Variants in MLIP observed in about 807,000 individuals in gnomAD.
MLIP encodes the protein muscular LMNA interacting protein.
MLIP carries 79 observed loss-of-function variants against 84.8 expected under a neutral mutation model. The observed-to-expected ratio is 0.93, with a 90% CI of 0.78 to 1.12. MLIP has a LOEUF of 1.12. Among genes scored for constraint, MLIP ranks in the 50% most tolerant of loss-of-function variants. The pLI is 0.00. For missense variants in MLIP, 1,257 were observed against 1,160.6 expected, an observed-to-expected ratio of 1.08 and a Z score of -1.21; for synonymous variants, 504 against 463.0, an observed-to-expected ratio of 1.09 and a Z score of -1.14.
chr6:54,027,795 G>A (rs546869236), intron 1 of MLIP, among the ~76,000 whole-genome samples: 4 of 152,208 alleles, frequency 2.6e-5, no homozygotes, highest in Non-Finnish European at 2.9e-5. Context: ...AATTAAAGCA[G>A]TGTCTGCTGA....
chr6:54,074,225 T>G (rs1390765594), intron 1 of MLIP, among the ~76,000 whole-genome samples: 1 of 152,202 alleles, frequency 6.6e-6, no homozygotes, highest in Non-Finnish European at 1.5e-5. Flanking sequence ...AATATGTAAT[T>G]GATTTTATAG....
intron 5 of MLIP, among the ~76,000 whole-genome samples, chr6:54,158,053 G>T (rs1269224646): frequency 1.3e-5 from 2 of 152,054 alleles, no homozygotes; most frequent in Non-Finnish European, 2.9e-5. Context: ...AATTCTTAGG[G>T]TTATATCCCA....
intron 4 of MLIP, among the ~76,000 whole-genome samples, chr6:54,147,885 A>G (rs896398958): frequency 6.6e-6 from 1 of 152,090 alleles, no homozygotes; most frequent in African/African-American, 2.4e-5. Flanking sequence ...TCAGTATACC[A>G]AGAAAAGAAA....
At position 54,238,983 on chromosome 6, in the gene MLIP, C is replaced by T. The variant is rs574647193; in HGVS notation, c.2922+8066C>T. ...AGAGGTAAATAAGTATGGCAGATTT[C>T]TTCACATGTACTATGGATTCTCCCC... On this transcript the variant is annotated intron_variant, in intron 12 of 13. Transcript: ENST00000502396. 5.3e-5 allele frequency among the ~76,000 whole-genome samples: 8 copies of T among 152,264 alleles called. No homozygotes were observed. The East Asian group carries it at 1.5e-3, about 29-fold the overall frequency.
chr6:54,229,024 A>G (rs923048596), intron 11 of MLIP, among the ~76,000 whole-genome samples: 2 of 152,250 alleles, frequency 1.3e-5, no homozygotes, highest in African/African-American at 4.8e-5. Context: ...ACCCACTGAC[A>G]TGGCTTTCAT....
intron 10 of MLIP, among the ~76,000 whole-genome samples, chr6:54,190,260 G>A (rs547131767): frequency 1.3e-5 from 2 of 152,230 alleles, no homozygotes; most frequent in African/African-American, 4.8e-5. Flanking sequence ...GGTCATGATT[G>A]AGTAGGATAG....
At chr6:54,237,002 A>G (rs2150823254) in intron 12 of MLIP, among the ~76,000 whole-genome samples, 1 of 152,228 alleles carries the variant, frequency 6.6e-6, no homozygotes, top group Admixed American at 6.5e-5. Context: ...TTCCATGCTC[A>G]TGGAGGCTTT....
At chr6:54,235,587 G>C (rs761957777) in intron 12 of MLIP, among the ~76,000 whole-genome samples, 1 of 152,134 alleles carries the variant, frequency 6.6e-6, no homozygotes, top group Admixed American at 6.5e-5. Flanking sequence ...AGGTAGTAAA[G>C]ATCTATTAAT....
chr6:54,209,289 A>G (rs1162356023), intron 11 of MLIP, among the ~76,000 whole-genome samples: 1 of 152,184 alleles, frequency 6.6e-6, no homozygotes, highest in Non-Finnish European at 1.5e-5. Context: ...AGGCAGGAAA[A>G]ACAATAAATC....
rs142715021 is a variant in MLIP at position 54,213,940 on chromosome 6, G to A, written c.2718+11707G>A. ...ATTCTGTTTTCCTAACAAAGATATG[G>A]TACTTTGACTACCTGACTGCCATAG... On this transcript the variant is annotated intron_variant, in intron 11 of 13. Coordinates refer to ENST00000502396, the MANE Select transcript of MLIP (RefSeq NM_001281747.2). 9.2e-5 allele frequency among the ~76,000 whole-genome samples: 14 copies of A among 151,980 alleles called. No individual in the cohort carries two copies. In the South Asian group the frequency reaches 2.5e-3, roughly 27 times the overall value.
At chr6:54,101,239 A>G (rs1206723542) in intron 1 of MLIP, among the ~76,000 whole-genome samples, 1 of 152,098 alleles carries the variant, frequency 6.6e-6, no homozygotes, top group Non-Finnish European at 1.5e-5. Context: ...AAAAATATTA[A>G]GGGGGGAAAA....
At chr6:54,043,058 T>G (rs1030747104) in intron 1 of MLIP, among the ~76,000 whole-genome samples, 2 of 152,162 alleles carry the variant, frequency 1.3e-5, no homozygotes, top group African/African-American at 4.8e-5. Context: ...GATTTACTAT[T>G]CATTCACTTT....
chr6:54,164,848 T>A (rs11963558), intron 8 of MLIP, among the ~76,000 whole-genome samples: 10,585 of 151,942 alleles, frequency 0.07, 533 homozygotes, highest in East Asian at 0.23. Flanking sequence ...ATCCTTTATT[T>A]ATCTGTTCAC....
chr6:54,241,788 A>G (rs1035735421), intron 12 of MLIP, among the ~76,000 whole-genome samples: 1 of 152,168 alleles, frequency 6.6e-6, no homozygotes, highest in Non-Finnish European at 1.5e-5. Context: ...GAGATTGTAG[A>G]TTAAGAATAA....
intron 11 of MLIP, chr6:54,216,030 T>C: frequency 2.4e-6 from 1 of 420,290 alleles, no homozygotes; most frequent in Non-Finnish European, 3.2e-6. Context: ...CTGAATAATA[T>C]TTCATTGTTT....
chr6:54,041,366 A>G (rs1229053820), intron 1 of MLIP, among the ~76,000 whole-genome samples: 1 of 152,154 alleles, frequency 6.6e-6, no homozygotes, highest in Non-Finnish European at 1.5e-5. Flanking sequence ...GGCAGTTAAT[A>G]AATGAAGCTG....
intron 11 of MLIP, among the ~76,000 whole-genome samples, chr6:54,208,424 A>C (rs1779193210): frequency 6.6e-6 from 1 of 151,922 alleles, no homozygotes. Flanking sequence ...CATCTCTACA[A>C]AAAATTTAAA....
chr6:54,067,690 A>G lies in MLIP; in HGVS notation c.63+48599A>G, dbSNP rs1766274049. On this transcript the variant is annotated intron_variant, in intron 1 of 12. Transcript: ENST00000274897. ...GCTCATAGCCTGAAGTGAATTCTGT[A>G]TTTTAATATTCACAGCACAAAGGCA... 2.0e-5 allele frequency among the ~76,000 whole-genome samples: 2 copies of G among 101,056 alleles called. 1 individual carries two copies. The highest frequency in any genetic ancestry group is 5.3e-4 in the East Asian group (2 of 3,778). 66.3% of individuals were successfully genotyped at this position (101,056 alleles called of 152,430 possible).
At chr6:54,138,684 A>G (rs1404296155) in intron 4 of MLIP, among the ~76,000 whole-genome samples, 1 of 152,192 alleles carries the variant, frequency 6.6e-6, no homozygotes, top group Non-Finnish European at 1.5e-5. Context: ...CCATCCAAAT[A>G]TCCTGTACTG....
Sources: allele counts gnomAD v4.1 joint callset (sites outside exome capture counted in the v4.1 genomes callset), GRCh38; gene constraint gnomAD v4.1.1; transcripts MANE v1.5; gene names NCBI Gene and HGNC (gene_info 2026-07-23, HGNC 2026-07-21).